Variants in CERS4 observed in about 807,000 individuals in gnomAD.
CERS4 encodes the protein ceramide synthase 4, also known as LAG1 homolog, ceramide synthase 4.
CERS4 carries 65 observed loss-of-function variants against 51.8 expected under a neutral mutation model. The ratio of observed to expected loss-of-function variants is 1.26; its 90% confidence interval spans 1.03 to 1.54. The LOEUF (loss-of-function observed/expected upper bound fraction) is 1.54. Among genes scored for constraint, CERS4 ranks in the 40% most tolerant of loss-of-function variants. CERS4 has a pLI of 0.00. For missense variants in CERS4, 563 were observed against 500.4 expected (o/e 1.13, Z -1.19); for synonymous variants, 228 against 208.4 (o/e 1.09, Z -0.81).
At chr19:8,235,997 C>T (rs1340985114) in intron 2 of CERS4, among the ~76,000 whole-genome samples, 2 of 152,050 alleles carry the variant, frequency 1.3e-5, no homozygotes, top group African/African-American at 2.4e-5. Flanking sequence ...AGATCAAGAC[C>T]ATCCTGGCTA....
At chr19:8,231,851 A>ATATT (rs1968019354) in intron 2 of CERS4, among the ~76,000 whole-genome samples, 1 of 104,424 alleles carries the variant, frequency 9.6e-6, no homozygotes, top group Admixed American at 1.1e-4. Flanking sequence ...TGTGCCCAGC[A>ATATT]TTTTTTTTTT....
chr19:8,226,509 T>C (rs1967794238), intron 2 of CERS4, among the ~76,000 whole-genome samples: 1 of 152,162 alleles, frequency 6.6e-6, no homozygotes, highest in Admixed American at 6.6e-5. Context: ...TTAGAGCAGG[T>C]TGAGTGAAGG....
At chr19:8,209,731 G>C (rs954080157) in intron 1 of CERS4, 2 of 152,422 alleles carry the variant, frequency 1.3e-5, no homozygotes, top group Admixed American at 6.5e-5. Context: ...GGACGCGGCT[G>C]TGAAACGGGC....
chr19:8,212,826 A>G (rs1374511453), intron 2 of CERS4, among the ~76,000 whole-genome samples: 1 of 149,936 alleles, frequency 6.7e-6, no homozygotes, highest in Non-Finnish European at 1.5e-5. Context: ...ATTAGTAGAG[A>G]TGAAGGGGGG....
intron 2 of CERS4, among the ~76,000 whole-genome samples, chr19:8,217,967 T>G (rs939698304): frequency 1.3e-5 from 2 of 151,534 alleles, no homozygotes; most frequent in Non-Finnish European, 2.9e-5. Flanking sequence ...CTTCTTTTTG[T>G]TTTTGCTTTT....
chr19:8,229,019 C>T (rs1461457788), intron 2 of CERS4, among the ~76,000 whole-genome samples: 1 of 145,798 alleles, frequency 6.9e-6, no homozygotes, highest in Non-Finnish European at 1.5e-5. Flanking sequence ...GAGACTTCAT[C>T]TAAAAAAAAA....
At chr19:8,260,562 T>G (rs1969631505) in intron 10 of CERS4, among the ~76,000 whole-genome samples, 1 of 149,024 alleles carries the variant, frequency 6.7e-6, no homozygotes, top group East Asian at 2.0e-4. Flanking sequence ...GGAAAAGAAA[T>G]AAGTTGGTGC....
intron 2 of CERS4, among the ~76,000 whole-genome samples, chr19:8,235,352 T>A (rs1385310753): frequency 2.0e-5 from 3 of 151,402 alleles, no homozygotes; most frequent in African/African-American, 7.3e-5. Flanking sequence ...AGTCTCAAAC[T>A]CCTGACCTCA....
At chr19:8,261,441 G>A (rs996146147) in intron 10 of CERS4, 50 of 532,218 alleles carry the variant, frequency 9.4e-5, no homozygotes, top group Middle Eastern at 5.0e-4. Flanking sequence ...ATAAGTACCC[G>A]CTTGGGTGGG....
intron 2 of CERS4, among the ~76,000 whole-genome samples, chr19:8,247,339 C>T (rs1429050810): frequency 1.3e-5 from 2 of 152,090 alleles, no homozygotes; most frequent in Non-Finnish European, 2.9e-5. Flanking sequence ...ATGGTCCTGC[C>T]TCAGGGCCTT....
intron 2 of CERS4, among the ~76,000 whole-genome samples, chr19:8,227,618 A>G (rs1967842030): frequency 6.6e-6 from 1 of 152,096 alleles, no homozygotes; most frequent in Non-Finnish European, 1.5e-5. Flanking sequence ...CTCGGCTTAC[A>G]GGCATGAGTC....
intron 10 of CERS4, among the ~76,000 whole-genome samples, chr19:8,260,485 C>G (rs1192014188): frequency 2.0e-5 from 3 of 146,812 alleles, no homozygotes; most frequent in Admixed American, 2.0e-4. Context: ...GGATTACAGG[C>G]GTGAGCCACT....
intron 2 of CERS4, among the ~76,000 whole-genome samples, chr19:8,245,122 A>AAAAAAAAAAAAAACAAAAAAAAAC (rs1555777242): frequency 1.5e-4 from 20 of 129,184 alleles, no homozygotes; most frequent in South Asian, 2.4e-4. Context: ...AAAAAAAAAA[A>AAAAAAAAAAAAAACAAAAAAAAAC]AAAAAAAAAA....
At chr19:8,254,699 C>A in intron 4 of CERS4, 83 bp downstream of exon 4, 1 of 1,260,354 alleles carries the variant, frequency 7.9e-7, no homozygotes. Context: ...TTTGTTGGGG[C>A]AGGAGAAGCC....
intron 3 of CERS4, among the ~76,000 whole-genome samples, chr19:8,253,782 G>C (rs1330129990): frequency 6.6e-6 from 1 of 152,034 alleles, no homozygotes; most frequent in African/African-American, 2.4e-5. Context: ...TAGAGACAGT[G>C]TTTCACCATA....
Position 8,250,840 on chromosome 19 carries a change from C to T in CERS4, c.-1-236C>T, listed in dbSNP as rs1033522899. 4 of 1,309,096 alleles carry T rather than the reference C, an allele frequency of 3.1e-6. No individual in the cohort carries two copies. In the African/African-American group the frequency reaches 6.1e-5, roughly 20 times the overall value. 81.1% of individuals were successfully genotyped at this position (1,309,096 alleles called of 1,614,324 possible). ...CACACAGCCCAACTCTGCCTTTTAA[C>T]ACTGACCAGGCAATGGAGTGGGAGT... On this transcript the variant is annotated intron_variant, in intron 2 of 11. Coordinates refer to ENST00000251363, the MANE Select transcript of CERS4 (RefSeq NM_024552.3).
At chr19:8,245,003 G>T (rs1485100535) in intron 2 of CERS4, among the ~76,000 whole-genome samples, 1 of 151,388 alleles carries the variant, frequency 6.6e-6, no homozygotes, top group Non-Finnish European at 1.5e-5. Flanking sequence ...AATTAGCCGG[G>T]CGTAGTGGCG....
chr19:8,251,414 T>A (rs528748684), intron 3 of CERS4, among the ~76,000 whole-genome samples, 165 bp downstream of exon 3: 3 of 152,320 alleles, frequency 2.0e-5, no homozygotes, highest in East Asian at 3.9e-4. Flanking sequence ...CACCCACACT[T>A]CTGGCCTCTG....
chr19:8,245,772 G>T (rs889283611), intron 2 of CERS4, among the ~76,000 whole-genome samples: 1 of 150,984 alleles, frequency 6.6e-6, no homozygotes, highest in Non-Finnish European at 1.5e-5. Flanking sequence ...ACTCCTGATC[G>T]CAAGTGATCC....
Sources: allele counts gnomAD v4.1 joint callset (sites outside exome capture counted in the v4.1 genomes callset), GRCh38; gene constraint gnomAD v4.1.1; transcripts MANE v1.5; gene names NCBI Gene and HGNC (gene_info 2026-07-23, HGNC 2026-07-21).